The following SLC15A3 variants were observed in gnomAD, a reference collection of about 807,000 sequenced individuals.
SLC15A3 encodes the protein solute carrier family 15 member 3.
SLC15A3 carries 39 observed loss-of-function variants against 49.2 expected under a neutral mutation model. The observed-to-expected ratio is 0.79, with a 90% confidence interval of 0.61 to 1.04. The LOEUF (loss-of-function observed/expected upper bound fraction) is 1.04, where lower values mean the gene tolerates loss of function less well. Among genes scored for constraint, SLC15A3 ranks in the 50% least tolerant of loss-of-function variants. SLC15A3 has a pLI of 0.00. For synonymous variants in SLC15A3, 339 were observed against 367.0 expected, an observed-to-expected ratio of 0.92 and a Z score of 0.87; for missense variants, 758 against 794.8, an observed-to-expected ratio of 0.95 and a Z score of 0.56.
chr11:60,946,891 C>A, intron 1 of SLC15A3, 70 bp from the exon 2 acceptor site: 1 of 1,497,826 alleles, frequency 6.7e-7, no homozygotes, highest in African/African-American at 1.4e-5. Context: ...CATACCCCTC[C>A]CTCCTACAGA....
rs1554986438 is a variant in SLC15A3, at chr11:60,949,564, G to GAAAGAAAGAAA, written c.558+1429_558+1430insTTTCTTTCTTT. Among the ~76,000 whole-genome samples the GAAAGAAAGAAA allele has an allele frequency of 4.2e-5, 5 of 117,908 alleles. No homozygotes were observed. In the Admixed American group the frequency reaches 4.3e-4, roughly 10 times the overall value. 77.4% of individuals were successfully genotyped at this position (117,908 alleles called of 152,430 possible). A position where few individuals can be genotyped will look rare whatever the true frequency, so the allele number is the denominator to read the frequency against. ...AGAAAGAAAGAAAGAAAGAAAGAAAGAAAGAAAAGAGATGGCCAGGGCTGG... is the reference window on the plus strand; with the variant it reads ...AGAAAGAAAGAAAGAAAGAAAGAAAGAAAGAAAGAAAAAAGAAAAGAGATGGCCAGGGCTGG... On this transcript the variant is annotated intron_variant, in intron 1 of 7. Transcript: ENST00000227880.
intron 5 of SLC15A3, chr11:60,940,472 C>A (rs2134925327): frequency 6.6e-6 from 1 of 152,468 alleles, no homozygotes. Flanking sequence ...CTACTGAGTG[C>A]TTTACAGACT....
intron 4 of SLC15A3, 132 bp downstream of exon 4, chr11:60,941,903 T>A: frequency 1.2e-6 from 1 of 844,432 alleles, no homozygotes; most frequent in East Asian, 2.5e-5. Context: ...ACCCTCCAGG[T>A]GCTTTTCCTG....
intron 3 of SLC15A3, 172 bp downstream of exon 3, chr11:60,943,517 G>T: frequency 1.7e-6 from 1 of 582,796 alleles, no homozygotes; most frequent in Non-Finnish European, 2.6e-6. Flanking sequence ...GAGTTGGATT[G>T]CTGAGACGGC....
rs1442992704 is a variant in SLC15A3, at chr11:60,937,984, C to T, written c.1477G>A (p.Gly493Ser). The T allele has an allele frequency of 1.9e-6, 3 of 1,614,006 alleles. No individual in the cohort carries two copies. The highest frequency in any genetic ancestry group is 2.5e-6 in the Non-Finnish European group (3 of 1,179,998). Residue 493 changes from glycine to serine, a missense_variant, in exon 7 of 8, where the codon GGC (glycine) becomes AGC (serine). Gly to Ser is a moderately conservative substitution (Grantham distance 56). This residue lies in a region of SLC15A3 where 699 missense variants were observed against 706.7 expected (regional missense o/e 0.99). Coordinates refer to ENST00000227880, the MANE Select transcript of SLC15A3 (RefSeq NM_016582.3). ...AYSEAPRSMQ[G>S]AIMGIFFCLS... ...CAGAAGAAGATGCCCATGATGGCGCCCTGCATGGAGCGCGGGGCCTCTGAG... is the reference window on the plus strand; with the variant it reads ...CAGAAGAAGATGCCCATGATGGCGCTCTGCATGGAGCGCGGGGCCTCTGAG...
Position 60,942,074 on chromosome 11 carries a change from G to A in SLC15A3, c.1068C>T (p.Asn356=). 1 of 1,614,190 alleles carries A rather than the reference G, an allele frequency of 6.2e-7. No homozygotes were observed. The highest frequency in any genetic ancestry group is 8.5e-7 in the Non-Finnish European group (1 of 1,180,012). The change falls in exon 4 of 8, where the codon AAC becomes AAT. Residue 356 remains asparagine (N), a synonymous_variant. Coordinates refer to ENST00000227880, the MANE Select transcript of SLC15A3 (RefSeq NM_016582.3). ...IPNIFPANPA[N]ISVALRAQGS... ...CCTGGGCTCTCAGGGCCACAGAGAT[G>A]TTGGCCGGGTTGGCTGGGAAAATGT...
chr11:60,946,850 G>T, intron 1 of SLC15A3, 29 bp from the exon 2 acceptor site: 1 of 1,589,638 alleles, frequency 6.3e-7, no homozygotes. Flanking sequence ...TGACAGTGAG[G>T]GCCAAAGGGG....
chr11:60,942,433 G>A (rs1197119957), intron 3 of SLC15A3: 3 of 307,650 alleles, frequency 9.8e-6, no homozygotes, highest in East Asian at 7.0e-5. Context: ...CCAGCACAGG[G>A]TAAGCATGGA....
intron 1 of SLC15A3, among the ~76,000 whole-genome samples, chr11:60,949,516 G>GAAAGAAAGAAAGAA (rs1856867408): frequency 2.9e-5 from 2 of 69,768 alleles, no homozygotes; most frequent in African/African-American, 6.7e-5. Flanking sequence ...AAGAAAGAAA[G>GAAAGAAAGAAAGAA]AAAGAAAGAA....
Position 60,949,485 on chromosome 11 carries a change from GAAGA to G in SLC15A3, c.558+1505_558+1508del, listed in dbSNP as rs1182100618. ...GAGAGAGAGAGAAAGAGAAAGAAAGGAAGAAAGAAAGAAAGAAGGAAAGAAAGAA... is the reference window on the plus strand; with the variant it reads ...GAGAGAGAGAGAAAGAGAAAGAAAGGAAGAAAGAAAGAAGGAAAGAAAGAA... On this transcript the variant is annotated intron_variant, in intron 1 of 7. Transcript: ENST00000227880. Among the ~76,000 whole-genome samples, 87 of 84,272 alleles carry G rather than the reference GAAGA, an allele frequency of 1.0e-3. 2 individuals are homozygous for G. Among genetic ancestry groups the G allele is most frequent in the East Asian group, 2.6e-3 (8 of 3,112 alleles). 55.3% of individuals were successfully genotyped at this position (84,272 alleles called of 152,430 possible). A position where few individuals can be genotyped will look rare whatever the true frequency, so the allele number is the denominator to read the frequency against.
chr11:60,946,405 C>T, intron 2 of SLC15A3, 127 bp downstream of exon 2: 1 of 1,095,082 alleles, frequency 9.1e-7, no homozygotes, highest in Non-Finnish European at 1.3e-6. Flanking sequence ...CACTGGAGAG[C>T]AGATCATCAT....
intron 2 of SLC15A3, 151 bp downstream of exon 2, chr11:60,946,381 G>A (rs900785713): frequency 6.9e-5 from 57 of 831,784 alleles, no homozygotes; most frequent in Admixed American, 1.3e-4. Flanking sequence ...CAGTCACAGC[G>A]GGCAGCTCTG....
In SLC15A3 at chr11:60,937,858, C is replaced by T. The variant is rs767431694; in HGVS notation, c.1591+12G>A. On this transcript the variant is annotated intron_variant, in intron 7 of 7. Transcript: ENST00000227880. ...CATCCATGTCCCACTCCTGGGGAGGCCCCATACTCACCAAAGTCCTTGGGG... is the reference window on the plus strand; with the variant it reads ...CATCCATGTCCCACTCCTGGGGAGGTCCCATACTCACCAAAGTCCTTGGGG... 1 of 1,613,264 alleles carries T rather than the reference C, an allele frequency of 6.2e-7. No homozygotes were observed. The highest frequency in any genetic ancestry group is 1.1e-5 in the South Asian group (1 of 91,004).
rs1024600750 is a variant in SLC15A3, at chr11:60,951,038, C to T, written c.514G>A (p.Ala172Thr). 10 of 1,496,354 alleles carry T rather than the reference C, an allele frequency of 6.7e-6. No individual in the cohort carries two copies. Among genetic ancestry groups the T allele is most frequent in the African/African-American group, 2.9e-5 (2 of 68,510 alleles). The allele number at this position is 1,496,354 out of a possible 1,614,324, so 92.7% of individuals were successfully genotyped here. The change falls in exon 1 of 8, where the codon GCC becomes ACC. Residue 172 changes from alanine to threonine, a missense_variant. This residue lies in a region of SLC15A3 where 699 missense variants were observed against 706.7 expected (regional missense o/e 0.99). Coordinates refer to ENST00000227880, the MANE Select transcript of SLC15A3 (RefSeq NM_016582.3). ...YAGLLLLGLA[A>T]SSVRSNLTSF... is the part of the protein sequence containing the mutation. ...GTGAGGTTGCTCCGGACGGAGCTGG[C>T]GGCCAGGCCGAGTAGCAGCAGGCCC... is the stretch of plus-strand genomic sequence containing the variant.
chr11:60,948,806 C>A (rs527754638), intron 1 of SLC15A3, among the ~76,000 whole-genome samples: 1 of 152,252 alleles, frequency 6.6e-6, no homozygotes, highest in East Asian at 1.9e-4. Context: ...CCTGTTGATG[C>A]CACGGGAGGC....
At chr11:60,937,619 G>A (rs1218439717) in intron 7 of SLC15A3, 16 of 686,512 alleles carry the variant, frequency 2.3e-5, no homozygotes, top group Admixed American at 8.0e-5. Context: ...TAACCCTTCA[G>A]CCAGAGATGG....
chr11:60,950,615 C>CT (rs1173117428), intron 1 of SLC15A3, among the ~76,000 whole-genome samples: 1 of 92,390 alleles, frequency 1.1e-5, no homozygotes, highest in Non-Finnish European at 2.7e-5. Flanking sequence ...CCCACCTCTA[C>CT]TTAAAAAAAA....
chr11:60,951,517 ACGCGGGGCTGCTCCCGGG>A lies in SLC15A3; in HGVS notation c.17_34del (p.Ala6_Arg11del). The A allele has an allele frequency of 8.3e-7, 1 of 1,208,722 alleles. No homozygotes were observed. Among genetic ancestry groups the A allele is most frequent in the African/African-American group, 1.6e-5 (1 of 62,404 alleles). The allele number at this position is 1,208,722 out of a possible 1,614,324, so 74.9% of individuals were successfully genotyped here. A position where few individuals can be genotyped will look rare whatever the true frequency, so the allele number is the denominator to read the frequency against. On this transcript the variant is annotated inframe_deletion, in exon 1 of 8. Transcript: ENST00000227880. ...CAGCAGCGGCTGGCGCTCCCCGGGC[ACGCGGGGCTGCTCCCGGG>A]CGCGCGGCGCGGGCATCCTGGCTCC...
chr11:60,950,721 G>C (rs528753643), intron 1 of SLC15A3, among the ~76,000 whole-genome samples: 1 of 152,384 alleles, frequency 6.6e-6, no homozygotes, highest in South Asian at 2.1e-4. Flanking sequence ...AACCCGGGAG[G>C]CTGAGGTTGC....
Sources: gnomAD v4.1 joint callset for allele counts (sites outside exome capture counted in the v4.1 genomes callset) on GRCh38, gnomAD v4.1.1 for gene constraint, gnomAD v4.1.1 regional missense constraint, MANE v1.5 for transcripts, NCBI Gene and HGNC (gene_info 2026-07-23, HGNC 2026-07-21) for gene names.